Variants in STK32B observed in about 807,000 individuals in gnomAD.
STK32B encodes serine/threonine kinase 32B, also known as serine/threonine-protein kinase 32B.
In STK32B, 43 loss-of-function variants were observed where a neutral mutation model predicts 52.6. The observed-to-expected ratio is 0.82, with a 90% CI of 0.64 to 1.05. The LOEUF (loss-of-function observed/expected upper bound fraction) is 1.05. Among genes scored for constraint, STK32B ranks in the 50% least tolerant of loss-of-function variants. STK32B has a pLI of 0.00. For missense variants in STK32B, 621 were observed against 534.6 expected (o/e 1.16, Z -1.59); for synonymous variants, 238 against 204.3 (o/e 1.17, Z -1.41).
chr4:5,357,123 A>T (rs1389983338), intron 4 of STK32B, among the ~76,000 whole-genome samples: 1 of 151,978 alleles, frequency 6.6e-6, no homozygotes, highest in African/African-American at 2.4e-5. Context: ...ATATATACAC[A>T]CACCTTGAGT....
At chr4:5,224,936 T>C (rs1174246708) in intron 3 of STK32B, among the ~76,000 whole-genome samples, 1 of 152,160 alleles carries the variant, frequency 6.6e-6, no homozygotes. Flanking sequence ...AGCTAATTTT[T>C]ATTAAAGTGG....
At chr4:5,477,633 A>G (rs1718343002) in intron 11 of STK32B, among the ~76,000 whole-genome samples, 1 of 152,136 alleles carries the variant, frequency 6.6e-6, no homozygotes, top group African/African-American at 2.4e-5. Context: ...CAGCTCCTAC[A>G]TCTTCCTGCT....
At position 5,123,816 on chromosome 4, in the gene STK32B, G is replaced by A. The variant is rs185408726; in HGVS notation, c.53-16089G>A. On this transcript the variant is annotated intron_variant, in intron 1 of 11. Coordinates refer to ENST00000282908, the MANE Select transcript of STK32B (RefSeq NM_018401.3). ...GGATTCAGCACATGAGTTTTGGGGG[G>A]ATACAATTTGATCCATGACAACTAT... 7.2e-3 allele frequency among the ~76,000 whole-genome samples: 1,078 copies of A among 150,380 alleles called. 19 individuals are homozygous for A. The highest frequency in any genetic ancestry group is 0.025 in the African/African-American group (1,019 of 40,984).
In STK32B at chr4:5,177,957, G is replaced by A. The variant is rs115692482; in HGVS notation, c.260+9507G>A. Among the ~76,000 whole-genome samples the A allele has an allele frequency of 7.3e-3, 1,106 of 152,322 alleles. 17 individuals carry two copies. Among genetic ancestry groups the A allele is most frequent in the African/African-American group, 0.025 (1,032 of 41,578 alleles). ...GCACTGAGTATCTGTGACTTTTCCAGGTGCATGGTCCAATTTGTCAGTGTA... is the reference window on the plus strand; with the variant it reads ...GCACTGAGTATCTGTGACTTTTCCAAGTGCATGGTCCAATTTGTCAGTGTA... On this transcript the variant is annotated intron_variant, in intron 3 of 11. Coordinates refer to ENST00000282908, the MANE Select transcript of STK32B (RefSeq NM_018401.3).
At chr4:5,388,055 C>T (rs575548995) in intron 4 of STK32B, among the ~76,000 whole-genome samples, 85 of 152,320 alleles carry the variant, frequency 5.6e-4, no homozygotes, top group Non-Finnish European at 9.8e-4. Flanking sequence ...ACTTCTGCCA[C>T]TTTTTAACTA....
intron 11 of STK32B, among the ~76,000 whole-genome samples, chr4:5,482,718 T>TG (rs1250639527): frequency 6.6e-6 from 1 of 152,196 alleles, no homozygotes; most frequent in Non-Finnish European, 1.5e-5. Flanking sequence ...ATATTGGCTG[T>TG]GGGTTTGTCA....
intron 1 of STK32B, among the ~76,000 whole-genome samples, chr4:5,108,379 G>T (rs1714221423): frequency 6.6e-6 from 1 of 152,092 alleles, no homozygotes. Context: ...TTTTGGAGGG[G>T]AATTGCCAGG....
chr4:5,190,292 T>C (rs979882396), intron 3 of STK32B, among the ~76,000 whole-genome samples: 7 of 152,194 alleles, frequency 4.6e-5, no homozygotes, highest in Non-Finnish European at 7.3e-5. Context: ...TAAGCACTTA[T>C]GGGGTATCTG....
intron 1 of STK32B, among the ~76,000 whole-genome samples, chr4:5,138,827 G>C (rs995684392): frequency 1.3e-5 from 2 of 152,218 alleles, no homozygotes; most frequent in African/African-American, 4.8e-5. Flanking sequence ...AAGGAGGAGA[G>C]CACTCAAGGC....
chr4:5,169,213 C>T lies in STK32B; in HGVS notation c.260+763C>T, dbSNP rs541047495. Among the ~76,000 whole-genome samples the T allele has an allele frequency of 2.2e-4, 33 of 152,254 alleles. 2 individuals carry two copies. In the South Asian group the frequency reaches 6.6e-3, roughly 31 times the overall value. ...CTAATGCCATCTTTATCACAGTGAA[C>T]CCAGGTTATTGGGTTACTTATCTGT... On this transcript the variant is annotated intron_variant, in intron 3 of 11. Transcript: ENST00000282908.
intron 3 of STK32B, among the ~76,000 whole-genome samples, chr4:5,233,678 G>A (rs1157308855): frequency 6.6e-6 from 1 of 151,394 alleles, no homozygotes; most frequent in East Asian, 1.9e-4. Flanking sequence ...GGGACATCTA[G>A]TAAGCCAGAG....
At chr4:5,277,050 G>A (rs1466984759) in intron 3 of STK32B, among the ~76,000 whole-genome samples, 1 of 152,232 alleles carries the variant, frequency 6.6e-6, no homozygotes, top group Non-Finnish European at 1.5e-5. Context: ...ATCTTATGGA[G>A]TTCATTCTCC....
chr4:5,317,180 A>ATATATATAACATATATATGT lies in STK32B; in HGVS notation c.261-14032_261-14031insACATATATATGTTATATATA, dbSNP rs1560313096. Among the ~76,000 whole-genome samples the ATATATATAACATATATATGT allele has an allele frequency of 8.1e-5, 4 of 49,566 alleles. 1 individual carries two copies. The highest frequency in any genetic ancestry group is 7.4e-4 in the African/African-American group (4 of 5,404). 32.5% of individuals were successfully genotyped at this position (49,566 alleles called of 152,430 possible). The stretch of plus-strand genomic sequence containing the variant: ...ATATTACATATATATAACATATAAT[A>ATATATATAACATATATATGT]TATATATATAACATATATATATTAT... On this transcript the variant is annotated intron_variant, in intron 3 of 11. Coordinates refer to ENST00000282908, the MANE Select transcript of STK32B (RefSeq NM_018401.3).
rs531265623 is a variant in STK32B at position 5,253,188 on chromosome 4, G to A, written c.261-78032G>A. On this transcript the variant is annotated intron_variant, in intron 3 of 11. Transcript: ENST00000282908. ...ATCCACATGCTCTGTTGCTTCCTGA[G>A]TAGAGCTTACATTGCTCCCTCTGTC... is the stretch of plus-strand genomic sequence containing the variant. 2.0e-5 allele frequency among the ~76,000 whole-genome samples: 3 copies of A among 152,158 alleles called. No homozygotes were observed. In the South Asian group the frequency reaches 6.2e-4, roughly 32 times the overall value.
intron 8 of STK32B, chr4:5,459,003 C>T (rs1488214856): frequency 1.3e-5 from 2 of 152,390 alleles, no homozygotes; most frequent in Non-Finnish European, 2.9e-5. Context: ...CAGAATCTGG[C>T]CCTCAGGTCT....
rs1181331235 is a variant in STK32B, at chr4:5,058,971, G to A, written c.52+7056G>A. Among the ~76,000 whole-genome samples, 13 of 148,920 alleles carry A rather than the reference G, an allele frequency of 8.7e-5. No homozygotes were observed. The highest frequency in any genetic ancestry group is 2.7e-4 in the African/African-American group (11 of 40,472). ...TCACCATGTTGGCCAGGCTGGTCTC[G>A]AACTCCTGACCTCAGGTGATCTGCC... On this transcript the variant is annotated intron_variant, in intron 1 of 11. Coordinates refer to ENST00000282908, the MANE Select transcript of STK32B (RefSeq NM_018401.3). This position sits in a 1 kb window ranked among gnomAD's most constrained non-coding sequence, Gnocchi z 4.8.
intron 11 of STK32B, among the ~76,000 whole-genome samples, chr4:5,481,171 A>C (rs1362975825): frequency 1.3e-5 from 2 of 152,326 alleles, no homozygotes; most frequent in East Asian, 3.9e-4. Context: ...GACTTGCACA[A>C]TGGTTGAACT....
intron 1 of STK32B, among the ~76,000 whole-genome samples, chr4:5,072,961 T>C (rs781301482): frequency 2.6e-5 from 4 of 152,164 alleles, no homozygotes; most frequent in Non-Finnish European, 4.4e-5. Context: ...TAAAGTATTC[T>C]CTTTATCTCT....
At chr4:5,143,129 G>GTCTGTCTGTCTGTCTA in intron 2 of STK32B, among the ~76,000 whole-genome samples, 2 of 139,878 alleles carry the variant, frequency 1.4e-5, no homozygotes, top group Non-Finnish European at 3.2e-5. Context: ...CTGTCTGTCT[G>GTCTGTCTGTCTGTCTA]TCTATCTGTC....
Sources: gnomAD v4.1 joint callset for allele counts (sites outside exome capture counted in the v4.1 genomes callset) on GRCh38, gnomAD v4.1.1 for gene constraint, Gnocchi (gnomAD v3.1) non-coding constraint, MANE v1.5 for transcripts, NCBI Gene and HGNC (gene_info 2026-07-23, HGNC 2026-07-21) for gene names.